The following SCHIP1 variants were observed in gnomAD, a reference collection of about 807,000 sequenced individuals.
SCHIP1 encodes the protein schwannomin interacting protein 1.
Under a neutral mutation model 29.7 loss-of-function variants are expected in SCHIP1, and 8 were observed. The ratio of observed to expected loss-of-function variants is 0.27; its 90% CI spans 0.16 to 0.49. SCHIP1 has a LOEUF of 0.49. Among genes scored for constraint, SCHIP1 ranks in the 20% least tolerant of loss-of-function variants. The pLI is 0.99. For synonymous variants in SCHIP1, 76 were observed against 94.9 expected, an observed-to-expected ratio of 0.80 and a Z score of 1.16; for missense variants, 193 against 294.6, an observed-to-expected ratio of 0.66 and a Z score of 2.52.
the SCHIP1 span, among the ~76,000 whole-genome samples, chr3:159,767,971 T>TTGAA: frequency 1.8e-3 from 276 of 152,206 alleles, 1 homozygote; most frequent in Middle Eastern, 3.4e-3. Context: ...TTCTCAAATA[T>TTGAA]TGAATGAATG....
At chr3:159,807,724 A>G in the SCHIP1 span, among the ~76,000 whole-genome samples, 1 of 152,146 alleles carries the variant, frequency 6.6e-6, no homozygotes, top group African/African-American at 2.4e-5. Flanking sequence ...TTTTGCCAAG[A>G]AAAAAATGAG....
chr3:159,291,147 A>G, the SCHIP1 span, among the ~76,000 whole-genome samples: 3 of 152,134 alleles, frequency 2.0e-5, no homozygotes, highest in Non-Finnish European at 4.4e-5. Context: ...CCAAAGACCA[A>G]TAGAGTTATG....
chr3:159,828,022 T>G, the SCHIP1 span, among the ~76,000 whole-genome samples: 14 of 151,552 alleles, frequency 9.2e-5, no homozygotes, highest in African/African-American at 3.4e-4. Context: ...GAAATCTAAT[T>G]TTTTTTTGTT....
the SCHIP1 span, among the ~76,000 whole-genome samples, chr3:159,591,999 A>AAAAGAAAG: frequency 6.7e-5 from 10 of 149,588 alleles, no homozygotes; most frequent in African/African-American, 2.5e-4. Context: ...CAAAAAAAAA[A>AAAAGAAAG]AAAGAAAGAA....
At chr3:159,896,540 T>G (rs976066599) in intron 6 of SCHIP1, among the ~76,000 whole-genome samples, 183 bp from the exon 8 acceptor site, 6 of 152,240 alleles carry the variant, frequency 3.9e-5, no homozygotes, top group African/African-American at 1.4e-4. Flanking sequence ...ATACACAATA[T>G]GTAAAAATTA....
At chr3:159,512,652 C>T in the SCHIP1 span, among the ~76,000 whole-genome samples, 1 of 152,174 alleles carries the variant, frequency 6.6e-6, no homozygotes, top group Admixed American at 6.5e-5. Context: ...GAAACACGAA[C>T]ATCATGGAGA....
chr3:159,627,496 A>T, the SCHIP1 span, among the ~76,000 whole-genome samples: 1 of 152,218 alleles, frequency 6.6e-6, no homozygotes, highest in South Asian at 2.1e-4. Flanking sequence ...CATTTTACAG[A>T]TACACAAATG....
the SCHIP1 span, among the ~76,000 whole-genome samples, chr3:159,431,880 G>A: frequency 3.3e-5 from 5 of 151,890 alleles, no homozygotes; most frequent in African/African-American, 1.2e-4. Flanking sequence ...TTATGTTTGG[G>A]CATTACTATT....
chr3:159,866,391 C>T (rs1407474943), intron 2 of SCHIP1, 110 bp downstream of exon 3: 4 of 965,016 alleles, frequency 4.1e-6, no homozygotes, highest in Non-Finnish European at 4.6e-6. Context: ...TTTTCCCCCT[C>T]GCATAATACT....
chr3:159,275,113 C>T, the SCHIP1 span: 1 of 952,140 alleles, frequency 1.1e-6, no homozygotes, highest in Non-Finnish European at 1.3e-6. Context: ...ATAAAGGAGA[C>T]CTTAGTATAC....
the SCHIP1 span, among the ~76,000 whole-genome samples, chr3:159,773,548 TG>T: frequency 6.6e-6 from 1 of 152,122 alleles, no homozygotes; most frequent in Non-Finnish European, 1.5e-5. Context: ...TAAAAATGAA[TG>T]GGTGTTCCCC....
chr3:159,367,893 A>G, the SCHIP1 span, among the ~76,000 whole-genome samples: 3 of 152,222 alleles, frequency 2.0e-5, no homozygotes, highest in African/African-American at 7.2e-5. Flanking sequence ...TTAAAAATCC[A>G]TGCTTTGGTA....
the SCHIP1 span, among the ~76,000 whole-genome samples, chr3:159,760,983 G>T: frequency 3.3e-5 from 5 of 152,242 alleles, no homozygotes; most frequent in African/African-American, 1.2e-4. Flanking sequence ...ACCCGACCCA[G>T]TAAGGGCAGG....
chr3:159,513,238 G>A, the SCHIP1 span, among the ~76,000 whole-genome samples: 89 of 152,182 alleles, frequency 5.8e-4, no homozygotes, highest in Non-Finnish European at 9.9e-4. Context: ...GATTTGATGT[G>A]GGGGGTACAA....
chr3:159,493,970 A>G, the SCHIP1 span, among the ~76,000 whole-genome samples: 4 of 152,270 alleles, frequency 2.6e-5, no homozygotes, highest in South Asian at 8.3e-4. Flanking sequence ...GCTCAACTAC[A>G]TGGAAACTGA....
chr3:159,327,805 A>T, the SCHIP1 span, among the ~76,000 whole-genome samples: 1,336 of 152,284 alleles, frequency 8.8e-3, 18 homozygotes, highest in African/African-American at 0.031. Context: ...CAGAGAAGAA[A>T]AGCAAAGGAA....
the SCHIP1 span, among the ~76,000 whole-genome samples, chr3:159,671,983 C>A: frequency 2.0e-5 from 3 of 152,194 alleles, no homozygotes; most frequent in Non-Finnish European, 4.4e-5. Context: ...ATCATATTAA[C>A]TAATTGATAT....
At chr3:159,780,280 TCTG>T in the SCHIP1 span, among the ~76,000 whole-genome samples, 10 of 152,212 alleles carry the variant, frequency 6.6e-5, no homozygotes, top group African/African-American at 2.4e-4. Flanking sequence ...GGCTGTGACT[TCTG>T]CTTCCTGACC....
chr3:159,835,897 GA>G (rs71664476), upstream of SCHIP1, among the ~76,000 whole-genome samples: 12,323 of 151,644 alleles, frequency 0.081, 1,594 homozygotes, highest in African/African-American at 0.28. Flanking sequence ...TGCCACAATT[GA>G]AAAAAAATGC....
Sources: allele counts gnomAD v4.1 joint callset (sites outside exome capture counted in the v4.1 genomes callset), GRCh38; gene constraint gnomAD v4.1.1; transcripts MANE v1.5; gene names NCBI Gene and HGNC (gene_info 2026-07-23, HGNC 2026-07-21).